The following LDLRAD2 variants were observed in gnomAD, a reference collection of about 807,000 sequenced individuals.
LDLRAD2 encodes low density lipoprotein receptor class A domain containing 2, also known as low-density lipoprotein receptor class A domain-containing protein 2.
In LDLRAD2, 25 loss-of-function variants were observed where a neutral mutation model predicts 24.9. The ratio of observed to expected loss-of-function variants is 1.00; its 90% CI spans 0.73 to 1.40. LDLRAD2 has a LOEUF of 1.40. Among genes scored for constraint, LDLRAD2 ranks in the 40% most tolerant of loss-of-function variants. The probability of loss-of-function intolerance (pLI) is 0.00; values close to 1 mark genes in which losing one functional copy is unlikely to be tolerated. For missense variants in LDLRAD2, 391 were observed against 366.2 expected (o/e 1.07, Z -0.55); for synonymous variants, 182 against 166.7 (o/e 1.09, Z -0.71).
chr1:21,817,009 C>T (rs1015822825), intron 3 of LDLRAD2, among the ~76,000 whole-genome samples: 4 of 152,190 alleles, frequency 2.6e-5, no homozygotes, highest in Non-Finnish European at 5.9e-5. Flanking sequence ...GACTCCTTGT[C>T]CACAGCCCTC....
In LDLRAD2 at chr1:21,817,361, G is replaced by A. The variant is rs568607094; in HGVS notation, c.643+1287G>A. On this transcript the variant is annotated intron_variant, in intron 3 of 4. Transcript: ENST00000344642. ...AATGAACTTACTTATTTATTGTTTT[G>A]AGATAGGTTCTCATTCTGTTATCCA... Among the ~76,000 whole-genome samples, 6 of 152,000 alleles carry A rather than the reference G, an allele frequency of 3.9e-5. No individual in the cohort carries two copies. In the South Asian group the frequency reaches 1.2e-3, roughly 32 times the overall value.
chr1:21,816,007 C>A lies in LDLRAD2; in HGVS notation c.576C>A (p.Asp192Glu). The A allele has an allele frequency of 6.2e-7, 1 of 1,613,882 alleles. No homozygotes were observed. Among genetic ancestry groups the A allele is most frequent in the Non-Finnish European group, 8.5e-7 (1 of 1,179,982 alleles). Residue 192 changes from aspartate (D) to glutamate (E), a missense_variant, in exon 3 of 5, where the codon GAC becomes GAA. Physicochemically the swap from Asp to Glu is conservative, Grantham distance 45. Transcript: ENST00000344642. ...GRCIPSSLVCDPWGMDNCGDG... is the reference protein window; with the variant it reads ...GRCIPSSLVCEPWGMDNCGDG... The stretch of plus-strand genomic sequence containing the variant: ...GCATCCCCTCAAGCCTCGTGTGTGA[C>A]CCCTGGGGCATGGACAACTGTGGCG...
Position 21,812,308 on chromosome 1 carries a change from AT to A in LDLRAD2, c.-143del, listed in dbSNP as rs1405921192. ...ATCTGGAAGGCAAAGCACTAAGATCATAGTGAAGACTTGCCTCCCCCTTCTC... is the reference window on the plus strand; with the variant it reads ...ATCTGGAAGGCAAAGCACTAAGATCAAGTGAAGACTTGCCTCCCCCTTCTC... On this transcript the variant is annotated 5_prime_UTR_variant, in exon 1 of 5. Transcript: ENST00000344642. 1.8e-5 allele frequency: 11 copies of A among 625,848 alleles called. No individual in the cohort carries two copies. The East Asian group carries it at 3.1e-4, about 17-fold the overall frequency. 38.8% of individuals were successfully genotyped at this position (625,848 alleles called of 1,614,324 possible).
intron 4 of LDLRAD2, 160 bp downstream of exon 4, chr1:21,821,771 T>C (rs2097952296): frequency 1.4e-6 from 2 of 1,447,064 alleles, no homozygotes; most frequent in South Asian, 1.5e-5. Flanking sequence ...GCTCCTGGCC[T>C]CTGCTGGCCT....
rs562192551 is a variant in LDLRAD2, at chr1:21,823,908, A to G, written c.*1693A>G. ...ACACAGCTTCCTCATTTCTGCACCC[A>G]GGTTTCCTCCCACTCCTGGGGCACT... is the stretch of plus-strand genomic sequence containing the variant. On this transcript the variant is annotated 3_prime_UTR_variant, in exon 5 of 5. Coordinates refer to ENST00000344642, the MANE Select transcript of LDLRAD2 (RefSeq NM_001013693.3). 46 of 721,974 alleles carry G rather than the reference A, an allele frequency of 6.4e-5. No individual in the cohort carries two copies. In the East Asian group the frequency reaches 1.2e-3, roughly 18 times the overall value. The allele number at this position is 721,974 out of a possible 1,614,324, so 44.7% of individuals were successfully genotyped here.
intron 1 of LDLRAD2, 141 bp downstream of exon 1, chr1:21,812,677 C>T (rs755682219): frequency 1.7e-4 from 119 of 689,180 alleles, no homozygotes; most frequent in Non-Finnish European, 2.6e-4. Flanking sequence ...TGTGTCTGGT[C>T]TTGCTTGGCA....
intron 2 of LDLRAD2, among the ~76,000 whole-genome samples, chr1:21,815,363 C>G (rs1315115082): frequency 1.3e-5 from 2 of 152,264 alleles, no homozygotes; most frequent in Admixed American, 6.5e-5. Flanking sequence ...CACATGCTGG[C>G]TGCTCTGCGC....
chr1:21,813,724 G>A (rs1557653560), intron 1 of LDLRAD2, among the ~76,000 whole-genome samples: 1 of 152,100 alleles, frequency 6.6e-6, no homozygotes, highest in Non-Finnish European at 1.5e-5. Flanking sequence ...TTAACTCAAC[G>A]GCTCAACAAT....
At chr1:21,817,080 C>G (rs954246215) in intron 3 of LDLRAD2, among the ~76,000 whole-genome samples, 1 of 152,304 alleles carries the variant, frequency 6.6e-6, no homozygotes, top group East Asian at 1.9e-4. Context: ...CCAGGCCTCA[C>G]TGAGTCATCT....
chr1:21,824,300 A>C lies in LDLRAD2; in HGVS notation c.*2085A>C. 1 of 1,613,702 alleles carries C rather than the reference A, an allele frequency of 6.2e-7. No homozygotes were observed. The highest frequency in any genetic ancestry group is 8.5e-7 in the Non-Finnish European group (1 of 1,179,870). ...GGGAGAGGAAGGGCCAGGTGCCAGG[A>C]CCTACCTGAAGACAAGGTGCCCGTC... On this transcript the variant is annotated 3_prime_UTR_variant, in exon 5 of 5. Coordinates refer to ENST00000344642, the MANE Select transcript of LDLRAD2 (RefSeq NM_001013693.3). The surrounding 1 kb of genome is among the most constrained non-coding windows in gnomAD (Gnocchi z 5.9).
Position 21,824,382 on chromosome 1 carries a change from A to C in LDLRAD2, c.*2167A>C, listed in dbSNP as rs1214591963. 17 of 1,613,714 alleles carry C rather than the reference A, an allele frequency of 1.1e-5. No individual in the cohort carries two copies. The highest frequency in any genetic ancestry group is 1.4e-5 in the Non-Finnish European group (17 of 1,179,950). ...TGGCCGGCCTCTCCCACCTCCTGCC[A>C]GGGAAGCACAGGGTCTCTGGGGTCC... On this transcript the variant is annotated 3_prime_UTR_variant, in exon 5 of 5. Transcript: ENST00000344642. The surrounding 1 kb of genome is among the most constrained non-coding windows in gnomAD (Gnocchi z 5.9).
chr1:21,823,827 TC>T lies in LDLRAD2; in HGVS notation c.*1615del. 1.1e-6 allele frequency: 1 copy of T among 870,192 alleles called. No homozygotes were observed. The highest frequency in any genetic ancestry group is 2.6e-5 in the East Asian group (1 of 39,014). The allele number at this position is 870,192 out of a possible 1,614,324, so 53.9% of individuals were successfully genotyped here. A position where few individuals can be genotyped will look rare whatever the true frequency, so the allele number is the denominator to read the frequency against. On this transcript the variant is annotated 3_prime_UTR_variant, in exon 5 of 5. Coordinates refer to ENST00000344642, the MANE Select transcript of LDLRAD2 (RefSeq NM_001013693.3). ...TCGAGACTCCAGACTCAGAAGTCTG[TC>T]CCTGTTTCCCAAGCTCTTTCTTTCC...
Position 21,824,113 on chromosome 1 carries a change from T to C in LDLRAD2, c.*1898T>C, listed in dbSNP as rs753665175. 3 of 1,611,520 alleles carry C rather than the reference T, an allele frequency of 1.9e-6. No individual in the cohort carries two copies. The highest frequency in any genetic ancestry group is 2.2e-5 in the South Asian group (2 of 90,912). ...GCCCCATCCCGAGTGCCCGGCAGGG[T>C]CCCTTACCGCAGTGCTGTCACCCGG... On this transcript the variant is annotated 3_prime_UTR_variant, in exon 5 of 5. Transcript: ENST00000344642. This position sits in a 1 kb window ranked among gnomAD's most constrained non-coding sequence, Gnocchi z 5.9.
chr1:21,822,241 C>A lies in LDLRAD2; in HGVS notation c.*26C>A. 6.2e-7 allele frequency: 1 copy of A among 1,608,130 alleles called. No homozygotes were observed. The highest frequency in any genetic ancestry group is 8.5e-7 in the Non-Finnish European group (1 of 1,174,618). On this transcript the variant is annotated 3_prime_UTR_variant, in exon 5 of 5. Coordinates refer to ENST00000344642, the MANE Select transcript of LDLRAD2 (RefSeq NM_001013693.3). ...AGCCCTCATCAAAGACTCAGGAGGC[C>A]CCTGGCGGGGATAGCACCGTTTATT...
In LDLRAD2 at chr1:21,814,523, G is replaced by A. The variant is rs1207586255; in HGVS notation, c.211G>A (p.Ala71Thr). The change falls in exon 2 of 5, where the codon GCA becomes ACA. Residue 71 changes from alanine (A) to threonine (T), a missense_variant. Coordinates refer to ENST00000344642, the MANE Select transcript of LDLRAD2 (RefSeq NM_001013693.3). ...DTDCGLWVQA[A>T]APGDRIRFQF... Reference sequence around the variant, plus strand: ...CGACTGCGGGCTCTGGGTGCAGGCGGCAGCCCCCGGCGACCGGATCCGCTT... The same window carrying A: ...CGACTGCGGGCTCTGGGTGCAGGCGACAGCCCCCGGCGACCGGATCCGCTT... 2 of 1,612,614 alleles carry A rather than the reference G, an allele frequency of 1.2e-6. No homozygotes were observed. The highest frequency in any genetic ancestry group is 1.1e-5 in the South Asian group (1 of 91,078).
chr1:21,815,863 G>A, intron 2 of LDLRAD2, 80 bp from the exon 3 acceptor site: 1 of 1,555,312 alleles, frequency 6.4e-7, no homozygotes, highest in Admixed American at 1.8e-5. Context: ...CCCCCACACT[G>A]TCACCATGGG....
chr1:21,814,413 T>C lies in LDLRAD2; in HGVS notation c.101T>C (p.Leu34Pro), dbSNP rs778244800. 1.9e-6 allele frequency: 3 copies of C among 1,601,978 alleles called. No homozygotes were observed. The East Asian group carries it at 6.8e-5, about 36-fold the overall frequency. The stretch of plus-strand genomic sequence containing the variant: ...TCCGCTGCAGCCGACCTGGCGGAAC[T>C]GTGCGGGCAGACGTGGCAGGGGGAC... The part of the protein sequence containing the change: ...TALETADLAE[L>P]CGQTWQGDGL... Residue 34 changes from leucine to proline, a missense_variant, in exon 2 of 5, where the codon CTG (leucine) becomes CCG (proline). Transcript: ENST00000344642.
Position 21,824,461 on chromosome 1 carries a change from C to A in LDLRAD2, c.*2246C>A. The stretch of plus-strand genomic sequence containing the variant: ...CCAGGGGGCTCTGCTTTCCCCTCCC[C>A]CCACCACTCCGGCCACCAGGAAGCC... On this transcript the variant is annotated 3_prime_UTR_variant, in exon 5 of 5. Transcript: ENST00000344642. This position sits in a 1 kb window ranked among gnomAD's most constrained non-coding sequence, Gnocchi z 5.9. 1 of 1,603,012 alleles carries A rather than the reference C, an allele frequency of 6.2e-7. No individual in the cohort carries two copies. The highest frequency in any genetic ancestry group is 8.5e-7 in the Non-Finnish European group (1 of 1,172,498).
In LDLRAD2 at chr1:21,814,574, A is replaced by T. The variant is rs568880162; in HGVS notation, c.262A>T (p.Ser88Cys). ...RFQFRFFLVYSLTPAPPALNT... is the reference protein window; with the variant it reads ...RFQFRFFLVYCLTPAPPALNT... ...CCAGTTCCGCTTCTTCCTGGTCTAC[A>T]GCCTGACCCCCGCGCCCCCGGCGCT... The change falls in exon 2 of 5, where the codon AGC becomes TGC. Residue 88 changes from serine (S) to cysteine (C), a missense_variant. Ser to Cys is a moderately radical substitution (Grantham distance 112). Coordinates refer to ENST00000344642, the MANE Select transcript of LDLRAD2 (RefSeq NM_001013693.3). 64 of 1,611,798 alleles carry T rather than the reference A, an allele frequency of 4.0e-5. 1 individual carries two copies. The South Asian group carries it at 6.9e-4, about 17-fold the overall frequency.
Sources: gnomAD v4.1 joint callset for allele counts (sites outside exome capture counted in the v4.1 genomes callset) on GRCh38, gnomAD v4.1.1 for gene constraint, Gnocchi (gnomAD v3.1) non-coding constraint, MANE v1.5 for transcripts, NCBI Gene and HGNC (gene_info 2026-07-23, HGNC 2026-07-21) for gene names.